ADCYAP1R1: variants seen among roughly 807,000 people sequenced by gnomAD.
The protein encoded by ADCYAP1R1 is pituitary adenylate cyclase-activating polypeptide type I receptor.
In ADCYAP1R1, 44 loss-of-function variants were observed where a neutral mutation model predicts 67.6. The observed-to-expected ratio is 0.65, with a 90% CI of 0.51 to 0.84. The LOEUF is 0.84. Ranked by LOEUF, ADCYAP1R1 falls within the 40% of genes least tolerant of loss-of-function variation. The pLI is 0.00. For synonymous variants in ADCYAP1R1, 222 were observed against 219.6 expected (o/e 1.01, Z -0.10); for missense variants, 477 against 587.9 (o/e 0.81, Z 1.95).
chr7:31,061,536 G>C (rs535733462), intron 1 of ADCYAP1R1, among the ~76,000 whole-genome samples: 8 of 152,298 alleles, frequency 5.3e-5, no homozygotes, highest in Non-Finnish European at 8.8e-5. Context: ...AGCCTGCCCT[G>C]TCCTCCCTGA....
intron 4 of ADCYAP1R1, 27 bp downstream of exon 4, chr7:31,078,125 C>A: frequency 6.3e-7 from 1 of 1,575,734 alleles, no homozygotes; most frequent in Non-Finnish European, 8.6e-7. Flanking sequence ...CTCTTTAGGC[C>A]ACGCTGGCCT....
chr7:31,077,190 C>T, intron 3 of ADCYAP1R1, among the ~76,000 whole-genome samples: 1 of 152,254 alleles, frequency 6.6e-6, no homozygotes, highest in East Asian at 1.9e-4. Context: ...CTGCAAGGGC[C>T]TGGCTTGTAA....
Position 31,077,988 on chromosome 7 carries a change from C to T in ADCYAP1R1, c.158-3C>T, listed in dbSNP as rs1489406436. On this transcript the variant is annotated splice_region_variant and splice_polypyrimidine_tract_variant and intron_variant, in intron 3 of 15. Coordinates refer to ENST00000304166, the MANE Select transcript of ADCYAP1R1 (RefSeq NM_001118.5). ...CCTCTCACCATGGCTGTCTTACCCA[C>T]AGGCTGTCCTGGGATGTGGGACAAC... is the stretch of plus-strand genomic sequence containing the variant. 1 of 1,602,556 alleles carries T rather than the reference C, an allele frequency of 6.2e-7. No individual in the cohort carries two copies. The highest frequency in any genetic ancestry group is 8.5e-7 in the Non-Finnish European group (1 of 1,174,220).
intron 2 of ADCYAP1R1, 39 bp downstream of exon 2, chr7:31,063,354 C>T (rs1258906301): frequency 6.2e-7 from 1 of 1,611,136 alleles, no homozygotes; most frequent in Non-Finnish European, 8.5e-7. Flanking sequence ...GCCCCAGGCT[C>T]ACCTGAGTCC....
rs1373776416 is a variant in ADCYAP1R1, at chr7:31,106,952, C to G, written c.*268C>G. 6.7e-6 allele frequency: 3 copies of G among 445,816 alleles called. No individual in the cohort carries two copies. The East Asian group carries it at 1.2e-4, about 18-fold the overall frequency. 27.6% of individuals were successfully genotyped at this position (445,816 alleles called of 1,614,324 possible). ...TGGAAAAGTTGTCCCATCCCTTCCCCCTTTGCCCCAGTGTCCCTGCTCACT... is the reference window on the plus strand; with the variant it reads ...TGGAAAAGTTGTCCCATCCCTTCCCGCTTTGCCCCAGTGTCCCTGCTCACT... On this transcript the variant is annotated 3_prime_UTR_variant, in exon 16 of 16. Coordinates refer to ENST00000304166, the MANE Select transcript of ADCYAP1R1 (RefSeq NM_001118.5).
chr7:31,086,594 G>A lies in ADCYAP1R1; in HGVS notation c.823+57G>A, dbSNP rs1184752239. 1.6e-5 allele frequency: 25 copies of A among 1,600,296 alleles called. No homozygotes were observed. Among genetic ancestry groups the A allele is most frequent in the Non-Finnish European group, 1.9e-5 (22 of 1,171,420 alleles). On this transcript the variant is annotated intron_variant, in intron 10 of 15. Transcript: ENST00000304166. The surrounding 1 kb of genome is among the most constrained non-coding windows in gnomAD (Gnocchi z 5.0). ...AGGTCCCGTGGTCAGGTGTGTCCAGGTGTGTCTTTGGTTCCATCTTCAGGA... is the reference window on the plus strand; with the variant it reads ...AGGTCCCGTGGTCAGGTGTGTCCAGATGTGTCTTTGGTTCCATCTTCAGGA...
intron 4 of ADCYAP1R1, 29 bp from the exon 5 acceptor site, chr7:31,080,584 T>TTCTC (rs761650653): frequency 6.2e-7 from 1 of 1,606,500 alleles, no homozygotes; most frequent in Non-Finnish European, 8.5e-7. Flanking sequence ...CCTCTGACTT[T>TTCTC]TCTCTCTCTC....
rs1202109247 is a variant in ADCYAP1R1 at position 31,109,341 on chromosome 7, CCT to C, written c.*2660_*2661del. 1.3e-5 allele frequency: 2 copies of C among 152,126 alleles called. No individual in the cohort carries two copies. The highest frequency in any genetic ancestry group is 3.9e-4 in the East Asian group (2 of 5,182). The allele number at this position is 152,126 out of a possible 1,614,324, so 9.4% of individuals were successfully genotyped here. On this transcript the variant is annotated 3_prime_UTR_variant, in exon 16 of 16. Coordinates refer to ENST00000304166, the MANE Select transcript of ADCYAP1R1 (RefSeq NM_001118.5). The stretch of plus-strand genomic sequence containing the variant: ...TATGTAAAACCCTTCCCTCTCTGAC[CCT>C]CTGTTTTCAAATCTGTAAAATGGGC...
At chr7:31,067,745 A>C (rs1794802354) in intron 3 of ADCYAP1R1, among the ~76,000 whole-genome samples, 1 of 152,114 alleles carries the variant, frequency 6.6e-6, no homozygotes. Flanking sequence ...CTTAATTTTC[A>C]TGTCTGAAAA....
chr7:31,087,751 G>A (rs1443800698), intron 12 of ADCYAP1R1, 55 bp downstream of exon 12: 40 of 1,451,648 alleles, frequency 2.8e-5, no homozygotes, highest in Non-Finnish European at 3.6e-5. Flanking sequence ...GGGCAGAAAG[G>A]CACGCGAGGA....
chr7:31,068,764 A>G (rs1794851457), intron 3 of ADCYAP1R1, among the ~76,000 whole-genome samples: 1 of 152,062 alleles, frequency 6.6e-6, no homozygotes, highest in African/African-American at 2.4e-5. Context: ...TTGTCTGAAG[A>G]GCTTGCCCTG....
intron 3 of ADCYAP1R1, among the ~76,000 whole-genome samples, chr7:31,077,337 T>A (rs1168757222): frequency 6.6e-6 from 1 of 151,460 alleles, no homozygotes; most frequent in Non-Finnish European, 1.5e-5. Flanking sequence ...GTATGGTGTG[T>A]GTGATGTGAG....
intron 3 of ADCYAP1R1, among the ~76,000 whole-genome samples, chr7:31,071,870 C>CA (rs1171823376): frequency 6.6e-6 from 1 of 152,150 alleles, no homozygotes; most frequent in Non-Finnish European, 1.5e-5. Flanking sequence ...TCAAACTGAA[C>CA]ATACCCCAGA....
rs1396522739 is a variant in ADCYAP1R1, at chr7:31,063,269, C to T, written c.5C>T (p.Ala2Val). 6.2e-7 allele frequency: 1 copy of T among 1,614,076 alleles called. No homozygotes were observed. The highest frequency in any genetic ancestry group is 1.3e-5 in the African/African-American group (1 of 74,946). The change falls in exon 2 of 16, where the codon GCT becomes GTT. Residue 2 changes from alanine to valine, a missense_variant. Transcript: ENST00000304166. The stretch of plus-strand genomic sequence containing the variant: ...TGGTGCTGGCCAAGAAGTGTCATGG[C>T]TGGTGTCGTGCACGTTTCCCTGGCT... Reference protein sequence around the residue: MAGVVHVSLAAL... With the variant: MVGVVHVSLAAL...
chr7:31,084,791 C>G lies in ADCYAP1R1; in HGVS notation c.493C>G (p.Leu165Val). ...CTACACGGTTGGCTACAGCACATCC[C>G]TCGTCACCCTCACCACTGCCATGGT... The part of the protein sequence containing the change: ...ALYTVGYSTS[L>V]VTLTTAMVIL... The change falls in exon 8 of 16, where the codon CTC becomes GTC. Residue 165 changes from leucine (L) to valine (V), a missense_variant. Physicochemically the swap from Leu to Val is conservative, Grantham distance 32. Coordinates refer to ENST00000304166, the MANE Select transcript of ADCYAP1R1 (RefSeq NM_001118.5). 6.2e-7 allele frequency: 1 copy of G among 1,614,148 alleles called. No individual in the cohort carries two copies. Among genetic ancestry groups the G allele is most frequent in the Non-Finnish European group, 8.5e-7 (1 of 1,179,996 alleles).
In ADCYAP1R1 at chr7:31,102,045, A is replaced by T. The variant is rs1796460899; in HGVS notation, c.1047-1192A>T. On this transcript the variant is annotated intron_variant, in intron 13 of 15. Coordinates refer to ENST00000304166, the MANE Select transcript of ADCYAP1R1 (RefSeq NM_001118.5). The surrounding 1 kb of genome is among the most constrained non-coding windows in gnomAD (Gnocchi z 4.3). ...TCTCCTCTCTGAATGTAAGCTAGGA[A>T]GTCAAGGGCCTCACACAGACTCCAA... is the stretch of plus-strand genomic sequence containing the variant. 6.6e-6 allele frequency among the ~76,000 whole-genome samples: 1 copy of T among 152,206 alleles called. No homozygotes were observed. Among genetic ancestry groups the T allele is most frequent in the Non-Finnish European group, 1.5e-5 (1 of 68,034 alleles).
intron 3 of ADCYAP1R1, among the ~76,000 whole-genome samples, chr7:31,073,056 C>T (rs1227138900): frequency 6.6e-6 from 1 of 152,166 alleles, no homozygotes; most frequent in Admixed American, 6.5e-5. Context: ...TAATTTTAGC[C>T]CAGTGAGACC....
intron 3 of ADCYAP1R1, among the ~76,000 whole-genome samples, chr7:31,075,878 T>A (rs1379600311): frequency 6.6e-6 from 1 of 152,054 alleles, no homozygotes; most frequent in Non-Finnish European, 1.5e-5. Flanking sequence ...GGGGCATGGA[T>A]TTCACAAGGT....
chr7:31,097,388 TC>T (rs1796241226), intron 13 of ADCYAP1R1, among the ~76,000 whole-genome samples: 1 of 152,240 alleles, frequency 6.6e-6, no homozygotes, highest in Admixed American at 6.5e-5. Context: ...TCTGACATCT[TC>T]CTTTCTCCCA....
Sources: allele counts gnomAD v4.1 joint callset (sites outside exome capture counted in the v4.1 genomes callset), GRCh38; gene constraint gnomAD v4.1.1; non-coding constraint Gnocchi (gnomAD v3.1); transcripts MANE v1.5; gene names NCBI Gene and HGNC (gene_info 2026-07-23, HGNC 2026-07-21).